HDAC8: variants seen among roughly 807,000 people sequenced by gnomAD.
HDAC8 encodes the protein histone deacetylase-like 1.
In HDAC8, 1 loss-of-function variant was observed where a neutral mutation model predicts 32.2. That is an observed-to-expected ratio of 0.03 (90% CI 0.01 to 0.15). HDAC8 has a LOEUF of 0.15. HDAC8 is among the 10% of genes least tolerant of loss of function. The probability of loss-of-function intolerance (pLI) is 1.00; values close to 1 mark genes in which losing one functional copy is unlikely to be tolerated. For synonymous variants in HDAC8, 108 were observed against 113.9 expected (o/e 0.95, Z 0.33); for missense variants, 117 against 300.0 (o/e 0.39, Z 4.51).
At chrX:72,571,870 C>G (rs782747454) in intron 2 of HDAC8, 187 bp downstream of exon 2, 2 of 406,083 alleles carry the variant, frequency 4.9e-6, no homozygotes, top group Admixed American at 1.1e-4. Flanking sequence ...TCTCGGCCCC[C>G]CAAGTTTTCT....
chrX:72,558,306 A>G (rs782323361), intron 4 of HDAC8, among the ~76,000 whole-genome samples: 1 of 111,960 alleles, frequency 8.9e-6, no homozygotes, highest in East Asian at 2.8e-4. Flanking sequence ...ACTACAGACC[A>G]AAGTCCCTGA....
At chrX:72,409,421 G>T (rs2046133992) in intron 9 of HDAC8, among the ~76,000 whole-genome samples, 1 of 111,405 alleles carries the variant, frequency 9.0e-6, no homozygotes, top group Admixed American at 9.5e-5. Context: ...ATCTCTACAG[G>T]CTCCCTACTG....
chrX:72,380,290 C>G (rs1248846002), intron 9 of HDAC8, among the ~76,000 whole-genome samples: 1 of 111,619 alleles, frequency 9.0e-6, no homozygotes, highest in Non-Finnish European at 1.9e-5. Context: ...ACAAATACCC[C>G]AAGGAAAAAG....
intron 4 of HDAC8, among the ~76,000 whole-genome samples, chrX:72,553,908 C>T (rs2051177106): frequency 8.9e-6 from 1 of 112,040 alleles, no homozygotes; most frequent in South Asian, 3.7e-4. Context: ...TATTTCAATT[C>T]CTCTATTTAT....
Sources: allele counts gnomAD v4.1 joint callset (sites outside exome capture counted in the v4.1 genomes callset), GRCh38; gene constraint gnomAD v4.1.1; transcripts MANE v1.5; gene names NCBI Gene and HGNC (gene_info 2026-07-23, HGNC 2026-07-21).